EPHX2: variants seen among roughly 807,000 people sequenced by gnomAD.
EPHX2 encodes the protein epoxide hydrolase 2.
A neutral mutation model predicts 78.7 loss-of-function variants in EPHX2; 74 were observed. That is an observed-to-expected ratio of 0.94 (90% confidence interval 0.78 to 1.14). The LOEUF (loss-of-function observed/expected upper bound fraction) is 1.14. EPHX2 is among the 50% of genes most tolerant of loss of function. The pLI is 0.00. For synonymous variants in EPHX2, 251 were observed against 255.2 expected (o/e 0.98, Z 0.16); for missense variants, 715 against 702.5 (o/e 1.02, Z -0.20).
chr8:27,505,641 T>C (rs922103441), intron 4 of EPHX2, among the ~76,000 whole-genome samples: 1 of 152,164 alleles, frequency 6.6e-6, no homozygotes, highest in African/African-American at 2.4e-5. Flanking sequence ...TGAATGGAGA[T>C]TAAATTCCTT....
At chr8:27,521,226 C>T (rs910066258) in intron 10 of EPHX2, among the ~76,000 whole-genome samples, 1 of 152,212 alleles carries the variant, frequency 6.6e-6, no homozygotes, top group African/African-American at 2.4e-5. Flanking sequence ...TAATATTTCT[C>T]AGCTCTTTAA....
chr8:27,543,981 C>A (rs979885470), intron 17 of EPHX2, 152 bp downstream of exon 17: 3 of 973,954 alleles, frequency 3.1e-6, no homozygotes, highest in African/African-American at 3.2e-5. Context: ...CCCCCCATTG[C>A]AAGCAGCAAC....
intron 12 of EPHX2, among the ~76,000 whole-genome samples, chr8:27,526,159 G>A (rs969419155): frequency 2.0e-5 from 3 of 152,192 alleles, no homozygotes; most frequent in East Asian, 1.9e-4. Context: ...ATGTGAGAGC[G>A]TCTCCCACGT....
chr8:27,505,338 C>T (rs568474530), intron 4 of EPHX2, among the ~76,000 whole-genome samples, 192 bp downstream of exon 4: 20 of 152,290 alleles, frequency 1.3e-4, no homozygotes, highest in Admixed American at 1.2e-3. Context: ...CAGAGGTGGG[C>T]ATTTGGCTCC....
At chr8:27,545,729 C>T (rs372444223), downstream of EPHX2, among the ~76,000 whole-genome samples, 8 of 152,322 alleles carry the variant, frequency 5.3e-5, 1 homozygote, top group African/African-American at 9.6e-5. Context: ...CACAGATGCA[C>T]GCACAATGGC....
rs1563355359 is a variant in EPHX2, at chr8:27,525,110, G to GCA, written c.1059-251_1059-250insAC. On this transcript the variant is annotated intron_variant, in intron 11 of 18. Transcript: ENST00000521400. ...TGTGTGTGTGTGTGTGTGTGTGTGC[G>GCA]CGCGCGCGCGCGCACCTATGTGTCT... Among the ~76,000 whole-genome samples the GCA allele has an allele frequency of 8.0e-5, 11 of 136,972 alleles. 1 individual carries two copies. Among genetic ancestry groups the GCA allele is most frequent in the South Asian group, 6.7e-4 (3 of 4,470 alleles). 89.9% of individuals were successfully genotyped at this position (136,972 alleles called of 152,430 possible).
At chr8:27,502,358 T>G in intron 2 of EPHX2, among the ~76,000 whole-genome samples, 1 of 152,248 alleles carries the variant, frequency 6.6e-6, no homozygotes, top group Admixed American at 6.5e-5. Flanking sequence ...TGGGTAGTTT[T>G]CAGTTTGGGA....
At chr8:27,526,423 C>T (rs1585211571) in intron 12 of EPHX2, among the ~76,000 whole-genome samples, 1 of 152,218 alleles carries the variant, frequency 6.6e-6, no homozygotes, top group African/African-American at 2.4e-5. Context: ...CCCTGCTGTG[C>T]CACAGCCTGG....
At chr8:27,534,480 G>A (rs531969306) in intron 12 of EPHX2, among the ~76,000 whole-genome samples, 16 of 151,988 alleles carry the variant, frequency 1.1e-4, no homozygotes, top group Admixed American at 4.6e-4. Context: ...ATGAAACCCC[G>A]TCTCTACTAA....
Position 27,543,780 on chromosome 8 carries a change from A to G in EPHX2, c.1481A>G (p.Glu494Gly), listed in dbSNP as rs1563365964. 6.2e-7 allele frequency: 1 copy of G among 1,613,972 alleles called. No homozygotes were observed. Among genetic ancestry groups the G allele is most frequent in the Non-Finnish European group, 8.5e-7 (1 of 1,179,974 alleles). The change falls in exon 17 of 19, where the codon GAG becomes GGG. Residue 494 changes from glutamate (E) to glycine (G), a missense_variant. Transcript: ENST00000521400. ...ATTCCGGCCCTGATGGTCACGGCGG[A>G]GAAGGACTTCGTGCTCGTTCCTCAG... is the stretch of plus-strand genomic sequence containing the variant. The part of the protein sequence containing the change: ...ILIPALMVTA[E>G]KDFVLVPQMS...
intron 12 of EPHX2, among the ~76,000 whole-genome samples, chr8:27,533,295 T>C (rs1052183571): frequency 1.6e-4 from 24 of 152,206 alleles, no homozygotes; most frequent in African/African-American, 5.8e-4. Flanking sequence ...TGTCAGTACT[T>C]GGGCTTGAAA....
At chr8:27,511,287 G>T (rs1248696037) in intron 5 of EPHX2, among the ~76,000 whole-genome samples, 2 of 152,214 alleles carry the variant, frequency 1.3e-5, no homozygotes, top group Non-Finnish European at 1.5e-5. Flanking sequence ...TGTGAGCTTC[G>T]CATGGTGTCC....
At chr8:27,541,427 C>A in intron 15 of EPHX2, 46 bp from the exon 16 acceptor site, 2 of 1,593,038 alleles carry the variant, frequency 1.3e-6, no homozygotes, top group Middle Eastern at 3.3e-4. Context: ...GTAGCAGAGC[C>A]GTCTACTTAC....
intron 9 of EPHX2, among the ~76,000 whole-genome samples, chr8:27,519,021 T>G (rs1324834345): frequency 1.3e-5 from 2 of 152,248 alleles, no homozygotes; most frequent in Non-Finnish European, 2.9e-5. Flanking sequence ...AGAACTGGTC[T>G]CTTGAAGAAA....
chr8:27,519,626 TGTC>T (rs1814576013), intron 9 of EPHX2, among the ~76,000 whole-genome samples: 1 of 152,222 alleles, frequency 6.6e-6, no homozygotes, highest in South Asian at 2.1e-4. Context: ...GGAAGGGTGA[TGTC>T]GTGAAGACTG....
chr8:27,512,457 G>A (rs1280577286), intron 6 of EPHX2, among the ~76,000 whole-genome samples: 1 of 152,238 alleles, frequency 6.6e-6, no homozygotes, highest in Admixed American at 6.5e-5. Context: ...TCCTCAAGGA[G>A]CCCACATTGA....
At chr8:27,508,990 A>C (rs572216327) in intron 5 of EPHX2, among the ~76,000 whole-genome samples, 7 of 94,444 alleles carry the variant, frequency 7.4e-5, no homozygotes, top group Non-Finnish European at 1.3e-4. Context: ...GCTGTGTCTT[A>C]TATAGCACCT....
intron 12 of EPHX2, among the ~76,000 whole-genome samples, chr8:27,531,718 C>T (rs1815048226): frequency 2.0e-5 from 3 of 152,204 alleles, no homozygotes; most frequent in Admixed American, 6.5e-5. Context: ...CAACAGCTGC[C>T]TCCATTGTCT....
chr8:27,520,757 T>G, intron 9 of EPHX2, 126 bp from the exon 10 acceptor site: 1 of 1,119,696 alleles, frequency 8.9e-7, no homozygotes, highest in Non-Finnish European at 1.4e-6. Context: ...AACAGTCCCA[T>G]TCTGAGGCCC....
Sources: allele counts gnomAD v4.1 joint callset (sites outside exome capture counted in the v4.1 genomes callset), GRCh38; gene constraint gnomAD v4.1.1; transcripts MANE v1.5; gene names NCBI Gene and HGNC (gene_info 2026-07-23, HGNC 2026-07-21).